The following HIBADH variants were observed in gnomAD, a reference collection of about 807,000 sequenced individuals.
HIBADH encodes 3-hydroxyisobutyrate dehydrogenase, mitochondrial.
HIBADH carries 25 observed loss-of-function variants against 36.1 expected under a neutral mutation model. That is an observed-to-expected ratio of 0.69 (90% confidence interval 0.50 to 0.97). HIBADH has a LOEUF of 0.97. HIBADH is among the 50% of genes least tolerant of loss of function. HIBADH has a pLI of 0.00. For missense variants in HIBADH, 421 were observed against 418.0 expected, an observed-to-expected ratio of 1.01 and a Z score of -0.06; for synonymous variants, 160 against 149.5, an observed-to-expected ratio of 1.07 and a Z score of -0.51.
At chr7:27,585,717 C>T (rs2128288178) in intron 4 of HIBADH, among the ~76,000 whole-genome samples, 1 of 152,232 alleles carries the variant, frequency 6.6e-6, no homozygotes, top group Non-Finnish European at 1.5e-5. Flanking sequence ...ATTGGTTTCA[C>T]CAGATTTTGG....
At position 27,542,970 on chromosome 7, in the gene HIBADH, C is replaced by T; in HGVS notation, c.615G>A (p.Gly205=). 6.2e-7 allele frequency: 1 copy of T among 1,613,184 alleles called. No homozygotes were observed. Among genetic ancestry groups the T allele is most frequent in the African/African-American group, 1.3e-5 (1 of 74,918 alleles). Residue 205 remains glycine (G), a synonymous_variant, in exon 5 of 8, where the codon GGG becomes GGA. Transcript: ENST00000265395. ...NVVYCGAVGT[G]QAAKICNNML... is the part of the protein sequence containing the mutation. ...GTCATTAATGTAAAAATCTTACCTG[C>T]CCAGTCCCAACAGCTCCACAGTACA...
intron 1 of HIBADH, among the ~76,000 whole-genome samples, chr7:27,652,019 G>A (rs1786204057): frequency 6.6e-6 from 1 of 152,184 alleles, no homozygotes; most frequent in South Asian, 2.1e-4. Flanking sequence ...GAAGAGCCAT[G>A]AAGAAATGAC....
At chr7:27,605,420 T>A (rs1322818947) in intron 4 of HIBADH, among the ~76,000 whole-genome samples, 4 of 148,660 alleles carry the variant, frequency 2.7e-5, no homozygotes, top group African/African-American at 9.9e-5. Context: ...TTTCTCCCTC[T>A]TTTTAAAAAT....
intron 4 of HIBADH, among the ~76,000 whole-genome samples, chr7:27,554,872 T>C (rs1210296843): frequency 6.6e-6 from 1 of 152,098 alleles, no homozygotes. Context: ...TATTTTGGGG[T>C]TGGGGTACAG....
chr7:27,644,153 T>A (rs1023942194), intron 2 of HIBADH, among the ~76,000 whole-genome samples: 5 of 152,192 alleles, frequency 3.3e-5, no homozygotes, highest in Admixed American at 3.3e-4. Flanking sequence ...ATGATGACAA[T>A]CAATTTTAGA....
At chr7:27,631,092 A>G (rs1785738992) in intron 3 of HIBADH, among the ~76,000 whole-genome samples, 1 of 152,224 alleles carries the variant, frequency 6.6e-6, no homozygotes, top group Non-Finnish European at 1.5e-5. Flanking sequence ...TCCCTGGACC[A>G]AACTGTTCTG....
At chr7:27,630,045 T>C (rs985834206) in intron 3 of HIBADH, among the ~76,000 whole-genome samples, 5 of 152,216 alleles carry the variant, frequency 3.3e-5, no homozygotes, top group African/African-American at 1.2e-4. Context: ...AAATAAAATA[T>C]CAAGCAGGTA....
chr7:27,579,477 A>G (rs1247182349), intron 4 of HIBADH, among the ~76,000 whole-genome samples: 1 of 152,218 alleles, frequency 6.6e-6, no homozygotes, highest in African/African-American at 2.4e-5. Flanking sequence ...GCAGAAAGTG[A>G]AGGAGGAAAA....
chr7:27,597,937 C>T lies in HIBADH; in HGVS notation c.484+31434G>A, dbSNP rs529377049. 1.6e-4 allele frequency among the ~76,000 whole-genome samples: 25 copies of T among 152,280 alleles called. No homozygotes were observed. In the South Asian group the frequency reaches 5.0e-3, roughly 30 times the overall value. ...TCAGTTCAGGCTATAAATTTACTCC[C>T]AGTTGTGTCAAAGCACATCTGCAGT... is the stretch of plus-strand genomic sequence containing the variant. On this transcript the variant is annotated intron_variant, in intron 4 of 7. Coordinates refer to ENST00000265395, the MANE Select transcript of HIBADH (RefSeq NM_152740.4).
At chr7:27,639,436 T>G (rs989804847) in intron 2 of HIBADH, among the ~76,000 whole-genome samples, 1 of 151,836 alleles carries the variant, frequency 6.6e-6, no homozygotes, top group African/African-American at 2.4e-5. Context: ...TGAGACTACC[T>G]GAGGGGGGAG....
intron 4 of HIBADH, among the ~76,000 whole-genome samples, chr7:27,563,878 AGAG>A (rs1431144099): frequency 1.3e-5 from 2 of 150,202 alleles, no homozygotes; most frequent in Non-Finnish European, 2.9e-5. Context: ...GTGTTTTAGC[AGAG>A]GAGAAGTTTG....
chr7:27,618,733 A>C (rs1317122667), intron 4 of HIBADH, among the ~76,000 whole-genome samples: 1 of 152,190 alleles, frequency 6.6e-6, no homozygotes, highest in Non-Finnish European at 1.5e-5. Context: ...GTTGTCAGGA[A>C]GCATGGCATC....
intron 4 of HIBADH, among the ~76,000 whole-genome samples, chr7:27,593,141 C>T (rs6944025): frequency 0.035 from 5,267 of 152,218 alleles, 281 homozygotes; most frequent in African/African-American, 0.12. Flanking sequence ...ATGATTAATA[C>T]AGGTTGAAAG....
At position 27,645,368 on chromosome 7, in the gene HIBADH, A is replaced by ATTTT. The variant is rs762685685; in HGVS notation, c.252+4101_252+4104dup. ...CTAGTGGGTGTGTCTCATGGTTTTGATTTTTTTTTTTTTTTTTTTTTTTTT... is the reference window on the plus strand; with the variant it reads ...CTAGTGGGTGTGTCTCATGGTTTTGATTTTTTTTTTTTTTTTTTTTTTTTTTTTT... On this transcript the variant is annotated intron_variant, in intron 2 of 7. Coordinates refer to ENST00000265395, the MANE Select transcript of HIBADH (RefSeq NM_152740.4). Among the ~76,000 whole-genome samples the ATTTT allele has an allele frequency of 9.9e-4, 59 of 59,632 alleles. 8 individuals are homozygous for ATTTT. The highest frequency in any genetic ancestry group is 1.8e-3 in the Admixed American group (8 of 4,408). The allele number at this position is 59,632 out of a possible 152,430, so 39.1% of individuals were successfully genotyped here.
At chr7:27,595,093 T>C (rs563189823) in intron 4 of HIBADH, among the ~76,000 whole-genome samples, 31 of 152,334 alleles carry the variant, frequency 2.0e-4, no homozygotes, top group African/African-American at 7.2e-4. Context: ...AGAAGACTGA[T>C]ACACTCAACT....
chr7:27,628,113 C>G (rs966495588), intron 4 of HIBADH, among the ~76,000 whole-genome samples: 1 of 152,030 alleles, frequency 6.6e-6, no homozygotes, highest in African/African-American at 2.4e-5. Flanking sequence ...ACCACATTAA[C>G]GCCAACCTTA....
At chr7:27,551,127 T>C (rs11772163) in intron 4 of HIBADH, among the ~76,000 whole-genome samples, 16,046 of 151,884 alleles carry the variant, frequency 0.11, 1,022 homozygotes, top group Non-Finnish European at 0.14. Context: ...TCAATTACTT[T>C]TTTAAAAGCT....
chr7:27,602,668 T>C (rs759479426), intron 4 of HIBADH, among the ~76,000 whole-genome samples: 1 of 152,180 alleles, frequency 6.6e-6, no homozygotes, highest in Non-Finnish European at 1.5e-5. Flanking sequence ...CTGAACGTTT[T>C]ACATTACAAG....
chr7:27,626,798 T>C (rs1785657153), intron 4 of HIBADH, among the ~76,000 whole-genome samples: 1 of 152,228 alleles, frequency 6.6e-6, no homozygotes, highest in Admixed American at 6.5e-5. Context: ...CGTACCTATA[T>C]ATAAATCCAT....
Sources: allele counts gnomAD v4.1 joint callset (sites outside exome capture counted in the v4.1 genomes callset), GRCh38; gene constraint gnomAD v4.1.1; transcripts MANE v1.5; gene names NCBI Gene and HGNC (gene_info 2026-07-23, HGNC 2026-07-21).